The following CLCN1 variants were observed in gnomAD, a reference collection of about 807,000 sequenced individuals.
The protein encoded by CLCN1 is chloride voltage-gated channel 1.
A neutral mutation model predicts 114.5 loss-of-function variants in CLCN1; 100 were observed. The observed-to-expected ratio is 0.87, with a 90% CI of 0.74 to 1.03. CLCN1 has a LOEUF of 1.03. Among genes scored for constraint, CLCN1 ranks in the 50% least tolerant of loss-of-function variants. The probability of loss-of-function intolerance (pLI) is 0.00; values close to 1 mark genes in which losing one functional copy is unlikely to be tolerated. For missense variants in CLCN1, 1,188 were observed against 1,250.0 expected (o/e 0.95, Z 0.75); for synonymous variants, 485 against 487.1 (o/e 1.00, Z 0.06).
In CLCN1 at chr7:143,351,583, C is replaced by G. The variant is rs2116400965; in HGVS notation, c.2596-11C>G. 23 of 1,614,000 alleles carry G rather than the reference C, an allele frequency of 1.4e-5. No homozygotes were observed. The highest frequency in any genetic ancestry group is 1.9e-5 in the Non-Finnish European group (22 of 1,180,016). ...CTTTTTACCCTCTTTTCCTTTCCCA[C>G]TGCTCTTCAGCTACAGAAGGCCATT... is the stretch of plus-strand genomic sequence containing the variant. On this transcript the variant is annotated splice_polypyrimidine_tract_variant and intron_variant, in intron 22 of 22. Transcript: ENST00000343257.
At chr7:143,336,103 A>G (rs894963647) in intron 12 of CLCN1, among the ~76,000 whole-genome samples, 22 of 152,166 alleles carry the variant, frequency 1.4e-4, no homozygotes, top group African/African-American at 2.7e-4. Context: ...TTTGCTTTTA[A>G]TAAGTCTAAC....
chr7:143,328,523 C>T (rs756341784), intron 7 of CLCN1, among the ~76,000 whole-genome samples: 1 of 152,192 alleles, frequency 6.6e-6, no homozygotes, highest in Non-Finnish European at 1.5e-5. Flanking sequence ...TGACAGACTG[C>T]TAGGGAAAGT....
intron 10 of CLCN1, among the ~76,000 whole-genome samples, 161 bp from the exon 11 acceptor site, chr7:143,332,258 G>A (rs997861651): frequency 3.9e-5 from 6 of 152,168 alleles, no homozygotes; most frequent in East Asian, 1.9e-4. Context: ...ATGAGCCACC[G>A]CACTCGGCCT....
At chr7:143,318,901 C>T (rs1285036318) in intron 1 of CLCN1, among the ~76,000 whole-genome samples, 1 of 152,240 alleles carries the variant, frequency 6.6e-6, no homozygotes, top group Non-Finnish European at 1.5e-5. Context: ...AAATGCTGCT[C>T]ATATTGTGAA....
intron 2 of CLCN1, 105 bp from the exon 3 acceptor site, chr7:143,320,558 TC>T: frequency 4.9e-6 from 4 of 808,138 alleles, no homozygotes; most frequent in Non-Finnish European, 5.6e-6. Context: ...TGCTTTTCTC[TC>T]TCTCTCTCTC....
At position 143,352,050 on chromosome 7, in the gene CLCN1, T is replaced by C; in HGVS notation, c.*85T>C. 1 of 1,572,092 alleles carries C rather than the reference T, an allele frequency of 6.4e-7. No individual in the cohort carries two copies. Among genetic ancestry groups the C allele is most frequent in the Non-Finnish European group, 8.7e-7 (1 of 1,144,842 alleles). On this transcript the variant is annotated 3_prime_UTR_variant, in exon 23 of 23. Coordinates refer to ENST00000343257, the MANE Select transcript of CLCN1 (RefSeq NM_000083.3). ...TGTGGGGCAGGGTGCGTCCTGAATG[T>C]GGCGAGGTCATGCCAATGTCGTGGC...
At position 143,341,988 on chromosome 7, in the gene CLCN1, G is replaced by A. The variant is rs546411827; in HGVS notation, c.1642G>A (p.Glu548Lys). The A allele has an allele frequency of 9.9e-6, 16 of 1,614,156 alleles. No homozygotes were observed. The highest frequency in any genetic ancestry group is 2.2e-5 in the East Asian group (1 of 44,874). The change falls in exon 15 of 23, where the codon GAA (glutamate) becomes AAA (lysine). Residue 548 changes from glutamate (E) to lysine (K), a missense_variant. Physicochemically the swap from Glu to Lys is moderately conservative, Grantham distance 56. Coordinates refer to ENST00000343257, the MANE Select transcript of CLCN1 (RefSeq NM_000083.3). ...HTVSTAVICF[E>K]LTGQIAHILP... ...AGTCTCCACAGCTGTGATTTGCTTC[G>A]AATTAACGGGTCAGATTGCTCACAT...
chr7:143,327,353 C>T lies in CLCN1; in HGVS notation c.853+2861C>T, dbSNP rs140429704. ...CAGCATTTCCCACAGAACCCTGTCT[C>T]GTGGGCATGGGATTTGTAGTATCTC... On this transcript the variant is annotated intron_variant, in intron 7 of 22. Coordinates refer to ENST00000343257, the MANE Select transcript of CLCN1 (RefSeq NM_000083.3). Among the ~76,000 whole-genome samples, 360 of 152,268 alleles carry T rather than the reference C, an allele frequency of 2.4e-3. 1 individual carries two copies. The highest frequency in any genetic ancestry group is 8.3e-3 in the African/African-American group (345 of 41,552).
At chr7:143,325,384 AATG>A (rs1187454859) in intron 7 of CLCN1, among the ~76,000 whole-genome samples, 39 of 152,282 alleles carry the variant, frequency 2.6e-4, no homozygotes, top group Non-Finnish European at 1.5e-5. Flanking sequence ...TTGGTGCAGG[AATG>A]ATAAGTGGAG....
chr7:143,327,882 C>T (rs1310010470), intron 7 of CLCN1, among the ~76,000 whole-genome samples: 2 of 152,042 alleles, frequency 1.3e-5, no homozygotes, highest in Admixed American at 6.6e-5. Flanking sequence ...CTCAAACTCC[C>T]GGCCTCAAGT....
chr7:143,352,061 T>C lies in CLCN1; in HGVS notation c.*96T>C. 1 of 1,521,266 alleles carries C rather than the reference T, an allele frequency of 6.6e-7. No homozygotes were observed. The highest frequency in any genetic ancestry group is 9.1e-7 in the Non-Finnish European group (1 of 1,099,838). 94.2% of individuals were successfully genotyped at this position (1,521,266 alleles called of 1,614,324 possible). On this transcript the variant is annotated 3_prime_UTR_variant, in exon 23 of 23. Coordinates refer to ENST00000343257, the MANE Select transcript of CLCN1 (RefSeq NM_000083.3). ...GTGCGTCCTGAATGTGGCGAGGTCATGCCAATGTCGTGGCCTCTTCCAGGA... is the reference window on the plus strand; with the variant it reads ...GTGCGTCCTGAATGTGGCGAGGTCACGCCAATGTCGTGGCCTCTTCCAGGA...
chr7:143,327,176 G>A (rs1464959479), intron 7 of CLCN1, among the ~76,000 whole-genome samples: 1 of 152,012 alleles, frequency 6.6e-6, no homozygotes, highest in Non-Finnish European at 1.5e-5. Flanking sequence ...AACCTGGGAG[G>A]TGGAGGTTGT....
At chr7:143,336,922 T>C (rs1802920199) in intron 12 of CLCN1, among the ~76,000 whole-genome samples, 2 of 152,224 alleles carry the variant, frequency 1.3e-5, no homozygotes, top group Admixed American at 1.3e-4. Flanking sequence ...GCTTTCAGAT[T>C]AACCTGAGCC....
intron 7 of CLCN1, among the ~76,000 whole-genome samples, chr7:143,326,269 TG>T (rs1802573063): frequency 6.6e-6 from 1 of 151,794 alleles, no homozygotes; most frequent in African/African-American, 2.4e-5. Context: ...CCGCCCACCT[TG>T]GCCTATTACT....
intron 10 of CLCN1, among the ~76,000 whole-genome samples, chr7:143,332,178 G>A (rs1802742319): frequency 1.3e-5 from 2 of 152,186 alleles, no homozygotes; most frequent in Admixed American, 6.5e-5. Flanking sequence ...TGGCCAGGCT[G>A]GTCTTGAACT....
chr7:143,345,654 GA>G lies in CLCN1; in HGVS notation c.2066del (p.Lys689ArgfsTer105), dbSNP rs1400957814. On this transcript the variant is annotated frameshift_variant, in exon 17 of 23. Transcript: ENST00000343257. LOFTEE classifies it high-confidence loss of function. ...RKLSELPYDG[K>X]ARLAGEGLPG... is the part of the protein sequence containing the mutation. ...AGTTGTCGGAGCTGCCTTACGACGG[GA>G]AGGCGCGGCTGGCTGGGGAGGGGCT... 6.4e-7 allele frequency: 1 copy of G among 1,566,234 alleles called. No homozygotes were observed. Among genetic ancestry groups the G allele is most frequent in the Admixed American group, 1.9e-5 (1 of 52,782 alleles).
At chr7:143,326,622 G>A (rs1802583040) in intron 7 of CLCN1, among the ~76,000 whole-genome samples, 1 of 152,198 alleles carries the variant, frequency 6.6e-6, no homozygotes, top group African/African-American at 2.4e-5. Context: ...GGTGGTGTTT[G>A]ACATGAGGCT....
chr7:143,330,720 G>A, intron 7 of CLCN1, 52 bp from the exon 8 acceptor site: 2 of 1,612,586 alleles, frequency 1.2e-6, no homozygotes, highest in Non-Finnish European at 8.5e-7. Context: ...GGGAGTGTGG[G>A]GGAGCACTTT....
intron 15 of CLCN1, 72 bp from the exon 16 acceptor site, chr7:143,342,300 C>T (rs1277134058): frequency 2.5e-6 from 4 of 1,584,896 alleles, no homozygotes; most frequent in Non-Finnish European, 2.6e-6. Context: ...GAAAGTATGG[C>T]AAATCTTATG....
Sources: allele counts gnomAD v4.1 joint callset (sites outside exome capture counted in the v4.1 genomes callset), GRCh38; gene constraint gnomAD v4.1.1; transcripts MANE v1.5; gene names NCBI Gene and HGNC (gene_info 2026-07-23, HGNC 2026-07-21).